Variants in FBXO38 observed in about 807,000 individuals in gnomAD.
FBXO38 encodes F-box protein 38, also known as F-box only protein 38.
FBXO38 carries 53 observed loss-of-function variants against 131.9 expected under a neutral mutation model. The observed-to-expected ratio is 0.40, with a 90% CI of 0.32 to 0.51. FBXO38 has a LOEUF of 0.51. FBXO38 is among the 20% of genes least tolerant of loss of function. The probability of loss-of-function intolerance (pLI) is 0.53; values close to 1 mark genes in which losing one functional copy is unlikely to be tolerated. For synonymous variants in FBXO38, 452 were observed against 505.6 expected (o/e 0.89, Z 1.42); for missense variants, 1,076 against 1,475.6 (o/e 0.73, Z 4.44).
At chr5:148,441,363 T>C (rs1754675261) in intron 21 of FBXO38, 126 bp downstream of exon 21, 1 of 700,706 alleles carries the variant, frequency 1.4e-6, no homozygotes, top group Non-Finnish European at 2.4e-6. Flanking sequence ...AAATAATTTG[T>C]ATTTACTCAC....
chr5:148,434,919 C>G (rs1206365389), intron 17 of FBXO38: 2 of 151,884 alleles, frequency 1.3e-5, no homozygotes, highest in Non-Finnish European at 2.9e-5. Context: ...TGGTGAAACT[C>G]CGTCTCTACT....
At chr5:148,422,944 G>C (rs1753522005) in intron 12 of FBXO38, among the ~76,000 whole-genome samples, 1 of 149,386 alleles carries the variant, frequency 6.7e-6, no homozygotes, top group Non-Finnish European at 1.5e-5. Flanking sequence ...TCACAACACA[G>C]ATAACTGGTT....
At chr5:148,431,993 T>C (rs1047817886) in intron 15 of FBXO38, among the ~76,000 whole-genome samples, 1 of 152,226 alleles carries the variant, frequency 6.6e-6, no homozygotes, top group South Asian at 2.1e-4. Context: ...TCACTTAGGC[T>C]AAATCTCTGA....
chr5:148,439,156 G>A (rs1754525082), intron 18 of FBXO38, among the ~76,000 whole-genome samples: 1 of 152,188 alleles, frequency 6.6e-6, no homozygotes, highest in African/African-American at 2.4e-5. Context: ...ATGCCACGCA[G>A]ATGGCCGAGT....
At chr5:148,428,684 C>G (rs1753864981) in intron 15 of FBXO38, among the ~76,000 whole-genome samples, 1 of 152,070 alleles carries the variant, frequency 6.6e-6, no homozygotes, top group African/African-American at 2.4e-5. Context: ...TCAAGTAGCC[C>G]TCAGTTTTAA....
chr5:148,407,877 A>G (rs1409968618), intron 7 of FBXO38, among the ~76,000 whole-genome samples: 2 of 152,036 alleles, frequency 1.3e-5, no homozygotes, highest in Admixed American at 6.6e-5. Flanking sequence ...GTGAGCCTAG[A>G]TCGCACCACT....
At position 148,442,053 on chromosome 5, in the gene FBXO38, G is replaced by A. The variant is rs754331887; in HGVS notation, c.3473G>A (p.Arg1158His). 18 of 1,613,924 alleles carry A rather than the reference G, an allele frequency of 1.1e-5. No homozygotes were observed. The highest frequency in any genetic ancestry group is 3.3e-5 in the South Asian group (3 of 91,068). ...ATAGGAGAGGAAATTTCAGAGATGC[G>A]TCAGATGAAGAAGGGTGTATTTCAG... ...ETIGEEISEM[R>H]QMKKGVFQRV... The change falls in exon 22 of 22, where the codon CGT (arginine) becomes CAT (histidine). Residue 1158 changes from arginine to histidine, a missense_variant. Transcript: ENST00000340253.
intron 1 of FBXO38, among the ~76,000 whole-genome samples, chr5:148,385,743 A>G (rs1035745835): frequency 2.0e-5 from 3 of 152,190 alleles, no homozygotes; most frequent in East Asian, 1.9e-4. Context: ...TATGATGTCA[A>G]TTAAGGTCTG....
At chr5:148,436,261 A>G (rs958159925) in intron 17 of FBXO38, among the ~76,000 whole-genome samples, 3 of 151,964 alleles carry the variant, frequency 2.0e-5, no homozygotes, top group Admixed American at 1.3e-4. Context: ...TATATACATG[A>G]CATATGCACA....
chr5:148,406,498 C>T lies in FBXO38; in HGVS notation c.868+104C>T, dbSNP rs887113241. On this transcript the variant is annotated intron_variant, in intron 7 of 21. Transcript: ENST00000340253. ...GGCAAGTCTTTAAAAAGAAAATGCT[C>T]GTCAGTAACTGCTTTCTTTGTTGTA... 5.4e-5 allele frequency: 47 copies of T among 864,666 alleles called. 1 individual carries two copies. The highest frequency in any genetic ancestry group is 1.2e-4 in the East Asian group (4 of 34,098). The allele number at this position is 864,666 out of a possible 1,614,324, so 53.6% of individuals were successfully genotyped here.
chr5:148,439,181 A>G (rs1754526774), intron 18 of FBXO38, among the ~76,000 whole-genome samples: 1 of 152,208 alleles, frequency 6.6e-6, no homozygotes. Context: ...TTTCATAACT[A>G]GAGATGGGGG....
chr5:148,410,181 A>T lies in FBXO38; in HGVS notation c.963-454A>T, dbSNP rs529347633. 11 of 154,136 alleles carry T rather than the reference A, an allele frequency of 7.1e-5. No homozygotes were observed. In the South Asian group the frequency reaches 2.2e-3, roughly 31 times the overall value. 9.5% of individuals were successfully genotyped at this position (154,136 alleles called of 1,614,324 possible). The stretch of plus-strand genomic sequence containing the variant: ...ATGAACTTCTTTCAGAGTCTTACTG[A>T]TATGGTTTGGCTCTGTTTCTCCTCA... On this transcript the variant is annotated intron_variant, in intron 8 of 21. Transcript: ENST00000340253.
Position 148,440,496 on chromosome 5 carries a change from C to T in FBXO38, c.3243C>T (p.Tyr1081=). The T allele has an allele frequency of 1.2e-6, 2 of 1,607,458 alleles. No individual in the cohort carries two copies. Among genetic ancestry groups the T allele is most frequent in the Non-Finnish European group, 1.7e-6 (2 of 1,174,222 alleles). ...SEEDLKKYPK[Y]PWGREIYTLE... ...AAGACTTAAAGAAATACCCCAAGTA[C>T]CCCTGGGGGAGAGAAATCTATACTT... The change falls in exon 20 of 22, where the codon TAC becomes TAT. Residue 1081 remains tyrosine (Y), a synonymous_variant. Coordinates refer to ENST00000340253, the MANE Select transcript of FBXO38 (RefSeq NM_205836.3).
rs1581309185 is a variant in FBXO38 at position 148,438,438 on chromosome 5, C to T, written c.2964C>T (p.Asp988=). 6.2e-7 allele frequency: 1 copy of T among 1,614,044 alleles called. No homozygotes were observed. Among genetic ancestry groups the T allele is most frequent in the Non-Finnish European group, 8.5e-7 (1 of 1,179,922 alleles). Residue 988 remains aspartate (D), a synonymous_variant, in exon 18 of 22, where the codon GAC becomes GAT. Transcript: ENST00000340253. ...AACTGAACATGGATCAGGTACTAGACCAGATACTAAGAATGCCACCCGAGA... is the reference window on the plus strand; with the variant it reads ...AACTGAACATGGATCAGGTACTAGATCAGATACTAAGAATGCCACCCGAGA... The part of the protein sequence containing the change: ...CKKLNMDQVL[D]QILRMPPERN...
chr5:148,407,093 T>C (rs1752484171), intron 7 of FBXO38, among the ~76,000 whole-genome samples: 1 of 152,238 alleles, frequency 6.6e-6, no homozygotes, highest in Non-Finnish European at 1.5e-5. Context: ...TGTTGAAATA[T>C]AATGAAGAGT....
intron 8 of FBXO38, among the ~76,000 whole-genome samples, chr5:148,409,787 A>C (rs1392005476): frequency 1.3e-5 from 2 of 152,230 alleles, no homozygotes; most frequent in Non-Finnish European, 2.9e-5. Flanking sequence ...ATTTATTCAG[A>C]AACAAAGCTT....
intron 13 of FBXO38, 84 bp downstream of exon 13, chr5:148,424,201 G>A: frequency 2.2e-6 from 3 of 1,363,022 alleles, no homozygotes; most frequent in Non-Finnish European, 3.0e-6. Flanking sequence ...GAGAATGATT[G>A]TTTTCTGACC....
intron 6 of FBXO38, 129 bp downstream of exon 6, chr5:148,404,951 C>G (rs1433007368): frequency 1.3e-6 from 1 of 744,476 alleles, no homozygotes; most frequent in Non-Finnish European, 1.9e-6. Flanking sequence ...ACATATTCAT[C>G]TTGTGAAGAT....
intron 10 of FBXO38, 128 bp from the exon 11 acceptor site, chr5:148,415,800 G>A (rs1379769788): frequency 6.6e-6 from 6 of 906,030 alleles, no homozygotes; most frequent in Non-Finnish European, 1.0e-5. Context: ...GGTTTTAGAA[G>A]TCATGAAAAA....
Sources: gnomAD v4.1 joint callset for allele counts (sites outside exome capture counted in the v4.1 genomes callset) on GRCh38, gnomAD v4.1.1 for gene constraint, MANE v1.5 for transcripts, NCBI Gene and HGNC (gene_info 2026-07-23, HGNC 2026-07-21) for gene names.